FAM118B: variants seen among roughly 807,000 people sequenced by gnomAD.
The protein encoded by FAM118B is SIR2 antiphage like 1.
Under a neutral mutation model 38.5 loss-of-function variants are expected in FAM118B, and 24 were observed. That is an observed-to-expected ratio of 0.62 (90% confidence interval 0.45 to 0.88). The LOEUF (loss-of-function observed/expected upper bound fraction) is 0.88, where lower values mean the gene tolerates loss of function less well. Ranked by LOEUF, FAM118B falls within the 40% of genes least tolerant of loss-of-function variation. FAM118B has a pLI of 0.00. For missense variants in FAM118B, 334 were observed against 420.0 expected (o/e 0.80, Z 1.79); for synonymous variants, 138 against 156.3 (o/e 0.88, Z 0.87).
intron 7 of FAM118B, chr11:126,260,329 G>A (rs1950662588): frequency 6.6e-6 from 1 of 151,822 alleles, no homozygotes; most frequent in Non-Finnish European, 1.5e-5. Flanking sequence ...CACAGCACCT[G>A]GCCTTGGCAC....
At chr11:126,243,418 C>T (rs1428389292) in intron 4 of FAM118B, among the ~76,000 whole-genome samples, 2 of 150,656 alleles carry the variant, frequency 1.3e-5, no homozygotes, top group Non-Finnish European at 2.9e-5. Flanking sequence ...GAGCTGTGAT[C>T]GTGCTACTGC....
chr11:126,239,772 C>A (rs573745811), intron 3 of FAM118B, among the ~76,000 whole-genome samples: 1 of 152,184 alleles, frequency 6.6e-6, no homozygotes, highest in Admixed American at 6.5e-5. Context: ...CCTTGGCCCC[C>A]CAAAGTGCTG....
At position 126,250,819 on chromosome 11, in the gene FAM118B, T is replaced by TTTA; in HGVS notation, c.567+88_567+90dup. 1 of 1,079,116 alleles carries TTTA rather than the reference T, an allele frequency of 9.3e-7. No individual in the cohort carries two copies. Among genetic ancestry groups the TTTA allele is most frequent in the South Asian group, 1.6e-5 (1 of 60,920 alleles). The allele number at this position is 1,079,116 out of a possible 1,614,324, so 66.8% of individuals were successfully genotyped here. A position where few individuals can be genotyped will look rare whatever the true frequency, so the allele number is the denominator to read the frequency against. ...CTCTTTTCTAGTTGGTATATTGGTA[T>TTTA]TTATGTAGAGCTAGAAAGGAAAAAT... On this transcript the variant is annotated intron_variant, in intron 5 of 8. Coordinates refer to ENST00000533050, the MANE Select transcript of FAM118B (RefSeq NM_024556.4). This position sits in a 1 kb window ranked among gnomAD's most constrained non-coding sequence, Gnocchi z 5.1.
At position 126,254,414 on chromosome 11, in the gene FAM118B, T is replaced by C. The variant is rs1458449956; in HGVS notation, c.677T>C (p.Leu226Pro). 6.2e-7 allele frequency: 1 copy of C among 1,614,210 alleles called. No homozygotes were observed. Among genetic ancestry groups the C allele is most frequent in the East Asian group, 2.2e-5 (1 of 44,888 alleles). Residue 226 changes from leucine to proline, a missense_variant, in exon 6 of 9, where the codon CTC (leucine) becomes CCC (proline). Around this residue, in one of 3 missense-constraint regions of FAM118B, gnomAD observed 240 missense variants for 295.9 expected, o/e 0.81. Coordinates refer to ENST00000533050, the MANE Select transcript of FAM118B (RefSeq NM_024556.4). ...CATCCGGCTGGATATCAGAACGTGCTCAGGAACACTGAAGTCATGGTGAGT... is the reference window on the plus strand; with the variant it reads ...CATCCGGCTGGATATCAGAACGTGCCCAGGAACACTGAAGTCATGGTGAGT... The part of the protein sequence containing the change: ...VLHPAGYQNV[L>P]RNTEVMREIQ...
At position 126,250,821 on chromosome 11, in the gene FAM118B, T is replaced by C. The variant is rs2135200094; in HGVS notation, c.567+88T>C. On this transcript the variant is annotated intron_variant, in intron 5 of 8. Coordinates refer to ENST00000533050, the MANE Select transcript of FAM118B (RefSeq NM_024556.4). This position sits in a 1 kb window ranked among gnomAD's most constrained non-coding sequence, Gnocchi z 5.1. ...CTTTTCTAGTTGGTATATTGGTATT[T>C]ATGTAGAGCTAGAAAGGAAAAATTT... 3 of 1,055,366 alleles carry C rather than the reference T, an allele frequency of 2.8e-6. No individual in the cohort carries two copies. The highest frequency in any genetic ancestry group is 4.1e-6 in the Non-Finnish European group (3 of 737,218). The allele number at this position is 1,055,366 out of a possible 1,614,324, so 65.4% of individuals were successfully genotyped here. A position where few individuals can be genotyped will look rare whatever the true frequency, so the allele number is the denominator to read the frequency against.
At chr11:126,254,476 G>A in intron 6 of FAM118B, 43 bp downstream of exon 6, 1 of 1,607,680 alleles carries the variant, frequency 6.2e-7, no homozygotes, top group Non-Finnish European at 8.5e-7. Context: ...CTCCTTCCTG[G>A]GAAATCTCTC....
chr11:126,262,159 T>G lies in FAM118B; in HGVS notation c.*26T>G. On this transcript the variant is annotated 3_prime_UTR_variant, in exon 9 of 9. Transcript: ENST00000533050. ...GCGAGCTAGAGAAATCACCACCGTT[T>G]AGACCAAGCTGTAAGGCCCTACTAC... is the stretch of plus-strand genomic sequence containing the variant. 7 of 1,613,254 alleles carry G rather than the reference T, an allele frequency of 4.3e-6. No homozygotes were observed. Among genetic ancestry groups the G allele is most frequent in the Non-Finnish European group, 5.9e-6 (7 of 1,179,232 alleles).
chr11:126,244,182 C>T lies in FAM118B; in HGVS notation c.339+3138C>T, dbSNP rs76841457. ...GGATTTTTTCCACTAAGATCAGCAGCAAGACAAGGCTGTTTTCCCACTCCA... is the reference window on the plus strand; with the variant it reads ...GGATTTTTTCCACTAAGATCAGCAGTAAGACAAGGCTGTTTTCCCACTCCA... On this transcript the variant is annotated intron_variant, in intron 4 of 8. Transcript: ENST00000533050. This position sits in a 1 kb window ranked among gnomAD's most constrained non-coding sequence, Gnocchi z 4.5. Among the ~76,000 whole-genome samples, 1,155 of 152,254 alleles carry T rather than the reference C, an allele frequency of 7.6e-3. 13 individuals are homozygous for T. The highest frequency in any genetic ancestry group is 0.024 in the African/African-American group (1,015 of 41,552).
intron 7 of FAM118B, 150 bp from the exon 8 acceptor site, chr11:126,261,275 G>T: frequency 1.6e-6 from 1 of 632,054 alleles, no homozygotes; most frequent in African/African-American, 1.8e-5. Context: ...TATCCTCTCT[G>T]CCTCCTTATC....
At chr11:126,216,386 C>A (rs1024864335) in intron 1 of FAM118B, among the ~76,000 whole-genome samples, 1 of 151,744 alleles carries the variant, frequency 6.6e-6, no homozygotes, top group African/African-American at 2.4e-5. Context: ...CAAAAAAAAA[C>A]CCAACAAAAC....
chr11:126,245,871 C>G (rs1591520266), intron 4 of FAM118B, among the ~76,000 whole-genome samples: 1 of 151,928 alleles, frequency 6.6e-6, no homozygotes, highest in Non-Finnish European at 1.5e-5. Context: ...TGGCGCATGC[C>G]TGTAGTCACA....
chr11:126,237,026 C>T (rs990396609), intron 3 of FAM118B, among the ~76,000 whole-genome samples: 4 of 149,642 alleles, frequency 2.7e-5, no homozygotes, highest in East Asian at 2.0e-4. Flanking sequence ...ACACCATTCT[C>T]CTGCCTCAGC....
intron 1 of FAM118B, chr11:126,214,490 G>GTTTTGTTTTTTTTTTT (rs1949942835): frequency 1.5e-4 from 4 of 25,814 alleles, no homozygotes; most frequent in East Asian, 2.9e-3. Context: ...TTTTGTTTCT[G>GTTTTGTTTTTTTTTTT]TTTTTTTTTT....
At chr11:126,228,269 G>C (rs1040993142) in intron 1 of FAM118B, among the ~76,000 whole-genome samples, 1 of 151,832 alleles carries the variant, frequency 6.6e-6, no homozygotes, top group Non-Finnish European at 1.5e-5. Context: ...CATAATCTCA[G>C]ATCACTGCAA....
In FAM118B at chr11:126,252,695, A is replaced by G. The variant is rs566135782; in HGVS notation, c.568-1610A>G. On this transcript the variant is annotated intron_variant, in intron 5 of 8. Transcript: ENST00000533050. The surrounding 1 kb of genome is among the most constrained non-coding windows in gnomAD (Gnocchi z 4.7). Reference sequence around the variant, plus strand: ...GCAGTCGAGGCTACAGTGAGTTGTGATCACACTGTTGCACTCCAGCCTGGG... The same window carrying G: ...GCAGTCGAGGCTACAGTGAGTTGTGGTCACACTGTTGCACTCCAGCCTGGG... Among the ~76,000 whole-genome samples, 1 of 152,088 alleles carries G rather than the reference A, an allele frequency of 6.6e-6. No individual in the cohort carries two copies. Among genetic ancestry groups the G allele is most frequent in the South Asian group, 2.1e-4 (1 of 4,808 alleles).
At chr11:126,243,374 G>C (rs1950382024) in intron 4 of FAM118B, among the ~76,000 whole-genome samples, 1 of 151,166 alleles carries the variant, frequency 6.6e-6, no homozygotes, top group Non-Finnish European at 1.5e-5. Flanking sequence ...TGAGGCACAA[G>C]CATCACTTGG....
At chr11:126,247,437 T>C (rs1044197105) in intron 4 of FAM118B, among the ~76,000 whole-genome samples, 3 of 152,128 alleles carry the variant, frequency 2.0e-5, no homozygotes, top group East Asian at 1.9e-4. Context: ...TGGATTTTTT[T>C]CCCCCCAGGT....
intron 3 of FAM118B, among the ~76,000 whole-genome samples, chr11:126,235,506 A>G (rs1173734524): frequency 6.6e-6 from 1 of 151,918 alleles, no homozygotes; most frequent in East Asian, 1.9e-4. Flanking sequence ...TGTTTGTGTC[A>G]CAGTGTTTGG....
intron 1 of FAM118B, among the ~76,000 whole-genome samples, chr11:126,221,116 G>T (rs1950057857): frequency 1.3e-5 from 2 of 152,202 alleles, no homozygotes; most frequent in African/African-American, 4.8e-5. Context: ...GAACCCGGGA[G>T]GCAGAGGCTG....
Sources: gnomAD v4.1 joint callset for allele counts (sites outside exome capture counted in the v4.1 genomes callset) on GRCh38, gnomAD v4.1.1 for gene constraint, gnomAD v4.1.1 regional missense constraint, Gnocchi (gnomAD v3.1) non-coding constraint, MANE v1.5 for transcripts, NCBI Gene and HGNC (gene_info 2026-07-23, HGNC 2026-07-21) for gene names.